The following CATSPERG variants were observed in gnomAD, a reference collection of about 807,000 sequenced individuals.
CATSPERG encodes the protein cation channel sperm-associated auxiliary subunit gamma.
CATSPERG carries 115 observed loss-of-function variants against 145.0 expected under a neutral mutation model. The observed-to-expected ratio is 0.79, with a 90% confidence interval of 0.68 to 0.93. CATSPERG has a LOEUF of 0.93. Among genes scored for constraint, CATSPERG ranks in the 40% least tolerant of loss-of-function variants. The probability of loss-of-function intolerance (pLI) is 0.00; values close to 1 mark genes in which losing one functional copy is unlikely to be tolerated. For synonymous variants in CATSPERG, 588 were observed against 589.0 expected, an observed-to-expected ratio of 1.00 and a Z score of 0.02; for missense variants, 1,296 against 1,490.1, an observed-to-expected ratio of 0.87 and a Z score of 2.14.
intron 20 of CATSPERG, 78 bp downstream of exon 20, chr19:38,362,910 G>C (rs1970379525): frequency 2.1e-6 from 2 of 950,732 alleles, no homozygotes; most frequent in Admixed American, 5.1e-5. Flanking sequence ...ACAGGGTCTT[G>C]CTCTGTCGCT....
intron 5 of CATSPERG, 26 bp from the exon 6 acceptor site, chr19:38,344,270 T>C: frequency 3.2e-6 from 5 of 1,550,084 alleles, no homozygotes; most frequent in Non-Finnish European, 4.4e-6. Flanking sequence ...GGACCTCACC[T>C]GCGCCTATTC....
At chr19:38,336,970 C>T (rs1450888897) in intron 1 of CATSPERG, 4 of 558,892 alleles carry the variant, frequency 7.2e-6, no homozygotes, top group Non-Finnish European at 1.3e-5. Context: ...AGAGCAGGGG[C>T]GGGACCAGGA....
intron 8 of CATSPERG, 124 bp from the exon 9 acceptor site, chr19:38,354,586 C>T (rs1224682582): frequency 1.2e-5 from 14 of 1,158,002 alleles, no homozygotes; most frequent in Non-Finnish European, 1.7e-5. Flanking sequence ...TGACACCACA[C>T]TGAACGGGTG....
rs1488212635 is a variant in CATSPERG at position 38,358,143 on chromosome 19, T to TA, written c.1316-133dup. 14 of 777,304 alleles carry TA rather than the reference T, an allele frequency of 1.8e-5. No homozygotes were observed. In the African/African-American group the frequency reaches 2.1e-4, roughly 12 times the overall value. 48.2% of individuals were successfully genotyped at this position (777,304 alleles called of 1,614,324 possible). A position where few individuals can be genotyped will look rare whatever the true frequency, so the allele number is the denominator to read the frequency against. ...GGGGGAAATAAAAGAAAAGAAACTC[T>TA]AAGGACTAGCAAACCCGAGTGGGAA... On this transcript the variant is annotated intron_variant, in intron 11 of 28. Transcript: ENST00000409235.
At chr19:38,349,989 G>C (rs982954324) in intron 7 of CATSPERG, among the ~76,000 whole-genome samples, 2 of 152,154 alleles carry the variant, frequency 1.3e-5, no homozygotes, top group Non-Finnish European at 2.9e-5. Context: ...TAACAGTCTG[G>C]AGATGAGGAA....
chr19:38,358,919 G>A (rs1187348326), intron 13 of CATSPERG, among the ~76,000 whole-genome samples: 5 of 151,836 alleles, frequency 3.3e-5, no homozygotes, highest in South Asian at 2.1e-4. Flanking sequence ...GCAAAATCTC[G>A]GCTCACTGCA....
intron 6 of CATSPERG, 139 bp from the exon 7 acceptor site, chr19:38,346,311 G>A: frequency 1.4e-6 from 1 of 707,966 alleles, no homozygotes; most frequent in Non-Finnish European, 2.2e-6. Context: ...GGGGAGAATG[G>A]TAAGGAATGA....
chr19:38,361,878 G>T lies in CATSPERG; in HGVS notation c.2094+17G>T. On this transcript the variant is annotated intron_variant, in intron 17 of 28. Transcript: ENST00000409235. ...TACGACAAGGTGGGCGTCCGGCGGC[G>T]GGCGGGCAGGCCTGAGACGGGACTG... The T allele has an allele frequency of 3.8e-6, 6 of 1,589,648 alleles. No individual in the cohort carries two copies. Among genetic ancestry groups the T allele is most frequent in the Middle Eastern group, 1.7e-4 (1 of 6,034 alleles).
chr19:38,358,674 T>C, intron 13 of CATSPERG, 113 bp downstream of exon 13: 1 of 1,323,410 alleles, frequency 7.6e-7, no homozygotes, highest in South Asian at 1.3e-5. Flanking sequence ...CTTCAAAGGA[T>C]GCACAAATCC....
Position 38,362,555 on chromosome 19 carries a change from C to T in CATSPERG, c.2337C>T (p.Phe779=). ...AIFLSAQGHS[F]RTQSELGTAF... ...TCCTGTCGGCGCAGGGCCACTCGTT[C>T]CGGACGCAGTCAGAACTCGGTCTGC... The change falls in exon 19 of 29, where the codon TTC becomes TTT. Residue 779 remains phenylalanine, a synonymous_variant. Transcript: ENST00000409235. 3 of 1,613,908 alleles carry T rather than the reference C, an allele frequency of 1.9e-6. No individual in the cohort carries two copies. The highest frequency in any genetic ancestry group is 2.5e-6 in the Non-Finnish European group (3 of 1,180,028).
rs775325721 is a variant in CATSPERG at position 38,361,878 on chromosome 19, G to A, written c.2094+17G>A. The stretch of plus-strand genomic sequence containing the variant: ...TACGACAAGGTGGGCGTCCGGCGGC[G>A]GGCGGGCAGGCCTGAGACGGGACTG... On this transcript the variant is annotated intron_variant, in intron 17 of 28. Transcript: ENST00000409235. The A allele has an allele frequency of 1.1e-5, 18 of 1,589,532 alleles. No individual in the cohort carries two copies. Among genetic ancestry groups the A allele is most frequent in the Non-Finnish European group, 1.5e-5 (17 of 1,168,304 alleles).
In CATSPERG at chr19:38,367,256, A is replaced by G. The variant is rs745331622; in HGVS notation, c.2714A>G (p.His905Arg). 1.2e-6 allele frequency: 2 copies of G among 1,613,874 alleles called. 1 individual carries two copies. Among genetic ancestry groups the G allele is most frequent in the South Asian group, 2.2e-5 (2 of 91,076 alleles). Reference protein sequence around the residue: ...TLEYSRLKNKHYFDCVNVNPE... With the variant: ...TLEYSRLKNKRYFDCVNVNPE... The stretch of plus-strand genomic sequence containing the variant: ...GAATACAGCCGCCTGAAGAACAAAC[A>G]CTACTTTGACTGCGTTAACGTGAAC... The change falls in exon 23 of 29, where the codon CAC (histidine) becomes CGC (arginine). Residue 905 changes from histidine (H) to arginine (R), a missense_variant. Physicochemically the swap from His to Arg is conservative, Grantham distance 29 (BLOSUM62 0). Coordinates refer to ENST00000409235, the MANE Select transcript of CATSPERG (RefSeq NM_021185.5).
At position 38,358,634 on chromosome 19, in the gene CATSPERG, C is replaced by A. The variant is rs186744093; in HGVS notation, c.1496+73C>A. 507 of 1,577,972 alleles carry A rather than the reference C, an allele frequency of 3.2e-4. 2 individuals carry two copies. Among genetic ancestry groups the A allele is most frequent in the Middle Eastern group, 2.4e-3 (12 of 5,020 alleles). On this transcript the variant is annotated intron_variant, in intron 13 of 28. Coordinates refer to ENST00000409235, the MANE Select transcript of CATSPERG (RefSeq NM_021185.5). ...AGCAACTTTACGGTGGGGACCCTTT[C>A]AAGCCCAGGCTAGGCAAGTCTCACC...
chr19:38,360,908 A>G, intron 16 of CATSPERG, 65 bp downstream of exon 16: 4 of 1,345,846 alleles, frequency 3.0e-6, no homozygotes, highest in South Asian at 1.2e-5. Context: ...TGAAGCTACC[A>G]TTCTTGAGAG....
chr19:38,340,610 G>A (rs1486503094), intron 3 of CATSPERG, among the ~76,000 whole-genome samples: 5 of 151,346 alleles, frequency 3.3e-5, no homozygotes, highest in Admixed American at 6.6e-5. Context: ...GTGAGCCACC[G>A]CGCCCGGCCA....
At chr19:38,359,022 G>T (rs1970297514) in intron 13 of CATSPERG, among the ~76,000 whole-genome samples, 1 of 151,968 alleles carries the variant, frequency 6.6e-6, no homozygotes, top group Non-Finnish European at 1.5e-5. Flanking sequence ...GCTAATTTTT[G>T]TATTTTTAGT....
chr19:38,353,027 CAAAA>C (rs61080753), intron 8 of CATSPERG, among the ~76,000 whole-genome samples: 1,836 of 61,468 alleles, frequency 0.03, 32 homozygotes, highest in African/African-American at 0.1. Context: ...GACCCTGTTT[CAAAA>C]AAAAAAAAAA....
At position 38,367,207 on chromosome 19, in the gene CATSPERG, G is replaced by C; in HGVS notation, c.2665G>C (p.Ala889Pro). 6.2e-7 allele frequency: 1 copy of C among 1,613,906 alleles called. No homozygotes were observed. The highest frequency in any genetic ancestry group is 8.5e-7 in the Non-Finnish European group (1 of 1,179,986). The change falls in exon 23 of 29, where the codon GCC (alanine) becomes CCC (proline). Residue 889 changes from alanine to proline, a missense_variant. Ala to Pro is a conservative substitution (Grantham distance 27, BLOSUM62 -1). Coordinates refer to ENST00000409235, the MANE Select transcript of CATSPERG (RefSeq NM_021185.5). ...FIGCPPGKRLAFDITYTLEYS... is the reference protein window; with the variant it reads ...FIGCPPGKRLPFDITYTLEYS... The stretch of plus-strand genomic sequence containing the variant: ...TGGCTGCCCCCCAGGCAAGCGCCTG[G>C]CCTTCGACATCACCTACACGCTGGA...
intron 5 of CATSPERG, 54 bp from the exon 6 acceptor site, chr19:38,344,242 G>A (rs1969988003): frequency 1.3e-6 from 2 of 1,541,620 alleles, no homozygotes; most frequent in African/African-American, 1.4e-5. Flanking sequence ...GCTACGAGCT[G>A]TGGAACCCCT....
Sources: gnomAD v4.1 joint callset for allele counts (sites outside exome capture counted in the v4.1 genomes callset) on GRCh38, gnomAD v4.1.1 for gene constraint, MANE v1.5 for transcripts, NCBI Gene and HGNC (gene_info 2026-07-23, HGNC 2026-07-21) for gene names.